PSD3: variants seen among roughly 807,000 people sequenced by gnomAD.
The protein encoded by PSD3 is pleckstrin and Sec7 domain containing 3, also known as PH and SEC7 domain-containing protein 3.
A neutral mutation model predicts 105.5 loss-of-function variants in PSD3; 49 were observed. The observed-to-expected ratio is 0.46, with a 90% CI of 0.37 to 0.59. The LOEUF is 0.59. Among genes scored for constraint, PSD3 ranks in the 20% least tolerant of loss-of-function variants. PSD3 has a pLI of 0.00. For missense variants in PSD3, 1,561 were observed against 1,263.8 expected, an observed-to-expected ratio of 1.24 and a Z score of -3.57; for synonymous variants, 557 against 457.8, an observed-to-expected ratio of 1.22 and a Z score of -2.77.
At chr8:18,983,578 G>C (rs1825347280) in intron 1 of PSD3, among the ~76,000 whole-genome samples, 1 of 152,152 alleles carries the variant, frequency 6.6e-6, no homozygotes, top group Admixed American at 6.5e-5. Flanking sequence ...TCATATTGTT[G>C]TGTCTCAGGG....
chr8:18,642,959 A>G (rs1262261047), intron 10 of PSD3, among the ~76,000 whole-genome samples: 1 of 152,238 alleles, frequency 6.6e-6, no homozygotes, highest in Non-Finnish European at 1.5e-5. Context: ...GTGAGCTCAG[A>G]TTAAGTATGA....
At chr8:18,617,091 C>G in intron 11 of PSD3, among the ~76,000 whole-genome samples, 1 of 152,138 alleles carries the variant, frequency 6.6e-6, no homozygotes, top group East Asian at 1.9e-4. Flanking sequence ...ATTCACCTGG[C>G]TTTGGTGAGT....
intron 2 of PSD3, 91 bp from the exon 3 acceptor site, chr8:18,872,824 A>G (rs1010676676): frequency 1.0e-5 from 13 of 1,242,038 alleles, no homozygotes; most frequent in East Asian, 4.7e-5. Context: ...TAGGCACTCA[A>G]TAATACTTAT....
chr8:18,780,348 AT>A (rs58250647), intron 8 of PSD3, among the ~76,000 whole-genome samples: 149,964 of 150,774 alleles, frequency 0.99, 74,582 homozygotes, highest in East Asian at 1. Context: ...TAGTTAAGTC[AT>A]TTTTTTTTTG....
At chr8:18,770,076 C>G (rs1807370662) in intron 8 of PSD3, among the ~76,000 whole-genome samples, 1 of 152,164 alleles carries the variant, frequency 6.6e-6, no homozygotes, top group Admixed American at 6.5e-5. Context: ...AGTGGCTGCA[C>G]CATTTCACAT....
intron 1 of PSD3, among the ~76,000 whole-genome samples, chr8:18,945,922 C>A (rs955828082): frequency 6.6e-6 from 1 of 152,174 alleles, no homozygotes; most frequent in Non-Finnish European, 1.5e-5. Flanking sequence ...TGCCGTGAGC[C>A]GAGATCGCGC....
chr8:18,791,273 C>A (rs889923785), intron 8 of PSD3, among the ~76,000 whole-genome samples: 2 of 152,036 alleles, frequency 1.3e-5, no homozygotes, highest in African/African-American at 4.8e-5. Flanking sequence ...ACAGTCAAAG[C>A]AATGCTAGGC....
intron 9 of PSD3, among the ~76,000 whole-genome samples, chr8:18,751,092 G>A (rs963499222): frequency 6.6e-6 from 1 of 152,130 alleles, no homozygotes; most frequent in African/African-American, 2.4e-5. Flanking sequence ...GTGCAGCAGG[G>A]GGCGGTGCTC....
intron 4 of PSD3, among the ~76,000 whole-genome samples, chr8:18,858,681 CTTCAT>C (rs1436366709): frequency 2.6e-5 from 4 of 152,134 alleles, no homozygotes; most frequent in African/African-American, 7.2e-5. Flanking sequence ...CAGCAGTAGA[CTTCAT>C]TTCAAGAAAC....
chr8:18,852,402 C>T (rs961472656), intron 4 of PSD3, among the ~76,000 whole-genome samples: 3 of 152,186 alleles, frequency 2.0e-5, no homozygotes, highest in African/African-American at 4.8e-5. Flanking sequence ...CACTGCTGGG[C>T]AAAGGCAACC....
chr8:18,713,612 T>C, intron 9 of PSD3, among the ~76,000 whole-genome samples: 1 of 151,968 alleles, frequency 6.6e-6, no homozygotes, highest in East Asian at 1.9e-4. Context: ...ACGACAAACC[T>C]CTGCCCAAGG....
intron 2 of PSD3, among the ~76,000 whole-genome samples, chr8:18,930,921 G>A (rs1015348902): frequency 6.6e-6 from 1 of 152,090 alleles, no homozygotes; most frequent in Non-Finnish European, 1.5e-5. Flanking sequence ...CAGTGTGTAC[G>A]AGCTCAGTAG....
chr8:18,863,570 G>C (rs1477664712), intron 4 of PSD3, among the ~76,000 whole-genome samples: 1 of 152,154 alleles, frequency 6.6e-6, no homozygotes, highest in Non-Finnish European at 1.5e-5. Flanking sequence ...GAATGCATTA[G>C]GCTGGTGCAA....
At chr8:18,650,852 CT>C (rs944801478) in intron 10 of PSD3, among the ~76,000 whole-genome samples, 22 of 152,320 alleles carry the variant, frequency 1.4e-4, no homozygotes, top group African/African-American at 5.1e-4. Context: ...GACTCACTCT[CT>C]GCTCTTCAAA....
intron 10 of PSD3, among the ~76,000 whole-genome samples, chr8:18,642,383 T>A (rs1807713105): frequency 6.6e-6 from 1 of 152,156 alleles, no homozygotes; most frequent in Non-Finnish European, 1.5e-5. Flanking sequence ...AAATGCTCAA[T>A]GAAACAACTA....
intron 2 of PSD3, among the ~76,000 whole-genome samples, chr8:18,904,969 AC>A: frequency 6.6e-6 from 1 of 152,290 alleles, no homozygotes; most frequent in South Asian, 2.1e-4. Flanking sequence ...TTATTTCCCT[AC>A]TGCTATCTTG....
chr8:18,736,165 C>A (rs1486448371), intron 9 of PSD3, among the ~76,000 whole-genome samples: 1 of 152,120 alleles, frequency 6.6e-6, no homozygotes, highest in East Asian at 1.9e-4. Flanking sequence ...ATTTCTATAA[C>A]CTCCAACTTC....
At position 19,070,125 on chromosome 8, in the gene PSD3, T is replaced by C. The variant is rs371488196; in HGVS notation, c.324+14081A>G. 4.7e-4 allele frequency among the ~76,000 whole-genome samples: 71 copies of C among 151,962 alleles called. 1 individual carries two copies. The highest frequency in any genetic ancestry group is 1.7e-3 in the African/African-American group (69 of 41,462). On this transcript the variant is annotated intron_variant, in intron 1 of 1. Coordinates refer to the PSD3 transcript ENST00000521475. ...GTTAGCAGTGTCACAAAACAGACTG[T>C]TGCCCATAGTTCGGGGTACTCAATC...
intron 11 of PSD3, among the ~76,000 whole-genome samples, chr8:18,610,077 C>T (rs563428635): frequency 3.3e-5 from 5 of 152,246 alleles, no homozygotes; most frequent in African/African-American, 1.2e-4. Context: ...AGGCAATTTA[C>T]ACATTACAAA....
Sources: gnomAD v4.1 joint callset for allele counts (sites outside exome capture counted in the v4.1 genomes callset) on GRCh38, gnomAD v4.1.1 for gene constraint, MANE v1.5 for transcripts, NCBI Gene and HGNC (gene_info 2026-07-23, HGNC 2026-07-21) for gene names.